Variants in PI4KA observed in about 807,000 individuals in gnomAD.
PI4KA encodes phosphatidylinositol 4-kinase alpha, also known as PI4-kinase alpha.
PI4KA carries 122 observed loss-of-function variants against 271.4 expected under a neutral mutation model. That is an observed-to-expected ratio of 0.45 (90% CI 0.39 to 0.52). The LOEUF (loss-of-function observed/expected upper bound fraction) is 0.52, where lower values mean the gene tolerates loss of function less well. PI4KA is among the 20% of genes least tolerant of loss of function. PI4KA has a pLI of 0.00. For missense variants in PI4KA, 1,969 were observed against 2,769.1 expected, an observed-to-expected ratio of 0.71 and a Z score of 6.48; for synonymous variants, 1,041 against 1,078.8, an observed-to-expected ratio of 0.96 and a Z score of 0.69.
At chr22:20,854,565 G>A (rs954512118) in intron 1 of PI4KA, among the ~76,000 whole-genome samples, 8 of 152,096 alleles carry the variant, frequency 5.3e-5, no homozygotes, top group African/African-American at 1.9e-4. Flanking sequence ...TGTCATTAAT[G>A]TACCTCAAGT....
chr22:20,751,384 C>T lies in PI4KA; in HGVS notation c.3070-8G>A, dbSNP rs755177128. 5.5e-5 allele frequency: 89 copies of T among 1,611,486 alleles called. No individual in the cohort carries two copies. Among genetic ancestry groups the T allele is most frequent in the Admixed American group, 1.3e-4 (8 of 59,790 alleles). On this transcript the variant is annotated splice_region_variant and splice_polypyrimidine_tract_variant and intron_variant, in intron 26 of 54. Transcript: ENST00000255882. ...CTGATCCTTGTGAATATCCTGCAAGCACAGCAAGACTCCCTCTTCCAAACT... is the reference window on the plus strand; with the variant it reads ...CTGATCCTTGTGAATATCCTGCAAGTACAGCAAGACTCCCTCTTCCAAACT...
intron 22 of PI4KA, chr22:20,764,586 A>G (rs1932327786): frequency 2.1e-6 from 1 of 483,198 alleles, no homozygotes; most frequent in Non-Finnish European, 3.7e-6. Context: ...GTTTCCTATC[A>G]GAGAGAAGAT....
At position 20,740,024 on chromosome 22, in the gene PI4KA, T is replaced by C. The variant is rs534764743; in HGVS notation, c.3741+2204A>G. Among the ~76,000 whole-genome samples the C allele has an allele frequency of 2.4e-5, 3 of 125,416 alleles. No homozygotes were observed. The East Asian group carries it at 7.2e-4, about 30-fold the overall frequency. 82.3% of individuals were successfully genotyped at this position (125,416 alleles called of 152,430 possible). A position where few individuals can be genotyped will look rare whatever the true frequency, so the allele number is the denominator to read the frequency against. ...TTGCAGTGAGCCAAGATTGTGCCAC[T>C]GCACTCCTGCCTGGGCAACAGAGTG... On this transcript the variant is annotated intron_variant, in intron 32 of 54. Coordinates refer to ENST00000255882, the MANE Select transcript of PI4KA (RefSeq NM_058004.4).
chr22:20,733,629 G>A, intron 35 of PI4KA, 107 bp downstream of exon 35: 7 of 1,580,136 alleles, frequency 4.4e-6, no homozygotes, highest in Non-Finnish European at 6.0e-6. Context: ...AGCACAACTG[G>A]GCAACTGTGT....
chr22:20,711,943 C>A (rs1282912689), intron 50 of PI4KA, among the ~76,000 whole-genome samples: 2 of 151,842 alleles, frequency 1.3e-5, no homozygotes, highest in East Asian at 1.9e-4. Flanking sequence ...TGGGGTTTCA[C>A]CATGTTGGTC....
intron 19 of PI4KA, among the ~76,000 whole-genome samples, chr22:20,787,999 G>T (rs74869454): frequency 0.03 from 4,520 of 152,290 alleles, 88 homozygotes; most frequent in Middle Eastern, 0.061. Context: ...ACCTGGTCCT[G>T]CAGTGGGTCT....
In PI4KA at chr22:20,747,672, A is replaced by G; in HGVS notation, c.3274T>C (p.Ser1092Pro). 1 of 1,613,964 alleles carries G rather than the reference A, an allele frequency of 6.2e-7. No homozygotes were observed. Among genetic ancestry groups the G allele is most frequent in the Non-Finnish European group, 8.5e-7 (1 of 1,179,848 alleles). ...AGCCCCGTGTGCTGGGACAGTCCCGATACCCAGTTCTGATGTTTGTTCAGA... is the reference window on the plus strand; with the variant it reads ...AGCCCCGTGTGCTGGGACAGTCCCGGTACCCAGTTCTGATGTTTGTTCAGA... ...EYLNKHQNWV[S>P]GLSQHTGLAM... The change falls in exon 29 of 55, where the codon TCG becomes CCG. Residue 1092 changes from serine (S) to proline (P), a missense_variant. Physicochemically the swap from Ser to Pro is moderately conservative, Grantham distance 74. Transcript: ENST00000255882.
rs377613154 is a variant in PI4KA at position 20,726,280 on chromosome 22, G to A, written c.4995+208C>T. 1.3e-3 allele frequency: 635 copies of A among 484,568 alleles called. 15 individuals are homozygous for A. The South Asian group carries it at 0.019, about 14-fold the overall frequency. 30.0% of individuals were successfully genotyped at this position (484,568 alleles called of 1,614,324 possible). On this transcript the variant is annotated intron_variant, in intron 42 of 54. Transcript: ENST00000255882. ...AGAACCGGCTCGCTCCACAGAGCAT[G>A]CTTGGGCCTCAGGGTGAGGCAGTGG...
chr22:20,779,056 A>C, intron 19 of PI4KA: 2 of 894,826 alleles, frequency 2.2e-6, no homozygotes, highest in Non-Finnish European at 3.2e-6. Context: ...CAAACCTTTA[A>C]AGAAGGGATT....
At chr22:20,838,277 T>C (rs757063326) in intron 2 of PI4KA, among the ~76,000 whole-genome samples, 2 of 152,132 alleles carry the variant, frequency 1.3e-5, no homozygotes, top group African/African-American at 4.8e-5. Context: ...TGATAAGCAT[T>C]TTACCTGAGC....
In PI4KA at chr22:20,721,609, G is replaced by C; in HGVS notation, c.4996-191C>G. 6 of 594,378 alleles carry C rather than the reference G, an allele frequency of 1.0e-5. 1 individual carries two copies. In the South Asian group the frequency reaches 1.2e-4, roughly 12 times the overall value. 36.8% of individuals were successfully genotyped at this position (594,378 alleles called of 1,614,324 possible). A position where few individuals can be genotyped will look rare whatever the true frequency, so the allele number is the denominator to read the frequency against. The stretch of plus-strand genomic sequence containing the variant: ...GGCCAGGCCAAGTTCCAGCTGGCTG[G>C]GGGCTGGGACCTGGGGGGCAGGGTT... On this transcript the variant is annotated intron_variant, in intron 42 of 54. Transcript: ENST00000255882.
At chr22:20,732,105 C>A (rs1428581692) in intron 36 of PI4KA, among the ~76,000 whole-genome samples, 2 of 151,980 alleles carry the variant, frequency 1.3e-5, no homozygotes, top group Non-Finnish European at 2.9e-5. Context: ...ACCCGGGAGG[C>A]AGAGCTTGCA....
intron 14 of PI4KA, among the ~76,000 whole-genome samples, chr22:20,801,489 GC>G (rs1935326820): frequency 6.6e-6 from 1 of 151,892 alleles, no homozygotes; most frequent in Non-Finnish European, 1.5e-5. Flanking sequence ...GGAGGCTGAG[GC>G]AGGAGAATTG....
chr22:20,775,004 A>G (rs1933152013), intron 19 of PI4KA, among the ~76,000 whole-genome samples: 1 of 152,124 alleles, frequency 6.6e-6, no homozygotes, highest in Non-Finnish European at 1.5e-5. Context: ...GGAAGTTTGA[A>G]CTTACTTCAA....
At chr22:20,839,647 C>T (rs772328255) in intron 1 of PI4KA, among the ~76,000 whole-genome samples, 6 of 152,052 alleles carry the variant, frequency 3.9e-5, no homozygotes, top group Non-Finnish European at 8.8e-5. Context: ...TTGGCCAATA[C>T]GGTGAAACCC....
intron 1 of PI4KA, among the ~76,000 whole-genome samples, chr22:20,851,716 C>A (rs1178942260): frequency 6.6e-6 from 1 of 152,138 alleles, no homozygotes; most frequent in Non-Finnish European, 1.5e-5. Flanking sequence ...ATGGCTTCTG[C>A]AGCAGAGACA....
In PI4KA at chr22:20,732,882, G is replaced by A. The variant is rs1364560486; in HGVS notation, c.4288+89C>T. On this transcript the variant is annotated intron_variant, in intron 36 of 54. Transcript: ENST00000255882. ...CTCAGGGGGGTCTAACTGCTTTTCC[G>A]TCCCTACCTCTGGCACCCTCGGGGC... is the stretch of plus-strand genomic sequence containing the variant. 1.9e-5 allele frequency: 29 copies of A among 1,514,188 alleles called. No individual in the cohort carries two copies. In the Middle Eastern group the frequency reaches 1.4e-3, roughly 74 times the overall value. The allele number at this position is 1,514,188 out of a possible 1,614,324, so 93.8% of individuals were successfully genotyped here.
chr22:20,789,806 A>G (rs1934516619), intron 19 of PI4KA, among the ~76,000 whole-genome samples: 1 of 152,344 alleles, frequency 6.6e-6, no homozygotes, highest in East Asian at 1.9e-4. Context: ...AAGGATTTCC[A>G]TGGACAGAGA....
intron 17 of PI4KA, among the ~76,000 whole-genome samples, chr22:20,798,050 T>C (rs915107425): frequency 6.6e-6 from 1 of 152,214 alleles, no homozygotes; most frequent in African/African-American, 2.4e-5. Context: ...AAGTATCAAA[T>C]GTTCAAGGAC....
Sources: gnomAD v4.1 joint callset for allele counts (sites outside exome capture counted in the v4.1 genomes callset) on GRCh38, gnomAD v4.1.1 for gene constraint, MANE v1.5 for transcripts, NCBI Gene and HGNC (gene_info 2026-07-23, HGNC 2026-07-21) for gene names.